LYSMD4: variants seen among roughly 807,000 people sequenced by gnomAD.
LYSMD4 encodes lysM and putative peptidoglycan-binding domain-containing protein 4.
In LYSMD4, 9 loss-of-function variants were observed where a neutral mutation model predicts 6.1. The observed-to-expected ratio is 1.47, with a 90% confidence interval of 0.88 to 2.56. LYSMD4 has a LOEUF of 2.56. Ranked by LOEUF, LYSMD4 falls within the 30% of genes most tolerant of loss-of-function variation. The pLI is 0.00. For synonymous variants in LYSMD4, 143 were observed against 148.5 expected, an observed-to-expected ratio of 0.96 and a Z score of 0.27; for missense variants, 384 against 373.5, an observed-to-expected ratio of 1.03 and a Z score of -0.23.
At chr15:99,720,266 T>C (rs1476727977), upstream of LYSMD4, among the ~76,000 whole-genome samples, 1 of 152,268 alleles carries the variant, frequency 6.6e-6, no homozygotes, top group Non-Finnish European at 1.5e-5. Context: ...CTTTTACTTT[T>C]AGATTGCTGA....
chr15:99,722,061 A>G (rs1574464), upstream of LYSMD4, among the ~76,000 whole-genome samples: 22,079 of 152,156 alleles, frequency 0.15, 1,644 homozygotes, highest in East Asian at 0.2. Flanking sequence ...TGGCCTGTAC[A>G]TGCATGTGAG....
downstream of LYSMD4, among the ~76,000 whole-genome samples, chr15:99,722,826 G>C (rs1424627242): frequency 2.6e-5 from 4 of 152,276 alleles, no homozygotes; most frequent in East Asian, 7.7e-4. Flanking sequence ...CTTGAGGTCA[G>C]TTTGAGACCA....
At chr15:99,726,164 TTTTTC>T (rs1391303736), downstream of LYSMD4, among the ~76,000 whole-genome samples, 2 of 143,262 alleles carry the variant, frequency 1.4e-5, no homozygotes, top group South Asian at 2.4e-4. Flanking sequence ...TTTTTTTTTT[TTTTTC>T]CCGCCTGAGT....
At chr15:99,726,672 A>T (rs2059285730), downstream of LYSMD4, among the ~76,000 whole-genome samples, 1 of 152,134 alleles carries the variant, frequency 6.6e-6, no homozygotes, top group Admixed American at 6.5e-5. Context: ...GAGTAAAATT[A>T]AAGCATCATT....
downstream of LYSMD4, chr15:99,727,401 T>C (rs932433549): frequency 2.0e-5 from 3 of 151,992 alleles, no homozygotes; most frequent in Non-Finnish European, 4.4e-5. Context: ...AAAGGGGGAA[T>C]CAATTTTCCT....
upstream of LYSMD4, among the ~76,000 whole-genome samples, chr15:99,718,529 A>G (rs1195246271): frequency 6.6e-6 from 1 of 152,210 alleles, no homozygotes; most frequent in Non-Finnish European, 1.5e-5. Context: ...TTCTGCTGCG[A>G]GGAACAGCTG....
upstream of LYSMD4, among the ~76,000 whole-genome samples, chr15:99,719,274 G>C (rs549938930): frequency 6.6e-6 from 1 of 152,312 alleles, no homozygotes; most frequent in South Asian, 2.1e-4. Context: ...AACATGGTTA[G>C]CTTCATCTGT....
At chr15:99,733,205 C>G (rs1282763851) in intron 1 of LYSMD4, 140 bp downstream of exon 1, 1 of 373,944 alleles carries the variant, frequency 2.7e-6, no homozygotes, top group African/African-American at 2.1e-5. Flanking sequence ...GTCACCGCCC[C>G]TCCAGCTGGA....
At chr15:99,724,935 A>G (rs1221038018), downstream of LYSMD4, among the ~76,000 whole-genome samples, 10 of 152,276 alleles carry the variant, frequency 6.6e-5, no homozygotes, top group Non-Finnish European at 1.3e-4. Flanking sequence ...GTGCAGGAGC[A>G]AGGAGGCTGC....
rs1567554041 is a variant in LYSMD4 at position 99,729,670 on chromosome 15, G to C, written c.344C>G (p.Ser115Cys). ...ATGGTTTCTCACTGGAATCTTAACA[G>C]ATTTCAAAGCATATAAGTCTTGTTC... ...IREQDLYALK[S>C]VKIPVRNHGI... The change falls in exon 3 of 3, where the codon TCT (serine) becomes TGT (cysteine). Residue 115 changes from serine (S) to cysteine (C), a missense_variant. Physicochemically the swap from Ser to Cys is moderately radical, Grantham distance 112. Coordinates refer to ENST00000684762, the MANE Select transcript of LYSMD4 (RefSeq NM_001284417.2). 1 of 1,614,034 alleles carries C rather than the reference G, an allele frequency of 6.2e-7. No individual in the cohort carries two copies. The highest frequency in any genetic ancestry group is 8.5e-7 in the Non-Finnish European group (1 of 1,180,046).
chr15:99,716,582 T>G, exon 1 of LYSMD4: 1 of 456,768 alleles, frequency 2.2e-6, no homozygotes, highest in African/African-American at 2.0e-5. Flanking sequence ...TTTTCATTCC[T>G]TTCACGAAGA....
At chr15:99,718,774 C>T (rs1567544373), upstream of LYSMD4, among the ~76,000 whole-genome samples, 2 of 152,182 alleles carry the variant, frequency 1.3e-5, no homozygotes, top group Non-Finnish European at 2.9e-5. Context: ...ACTTTTTCCA[C>T]TATTCCTGGT....
chr15:99,729,629 TCTC>T lies in LYSMD4; in HGVS notation c.382_384del (p.Glu128del). 1 of 1,614,106 alleles carries T rather than the reference TCTC, an allele frequency of 6.2e-7. No homozygotes were observed. Among genetic ancestry groups the T allele is most frequent in the Non-Finnish European group, 8.5e-7 (1 of 1,180,018 alleles). On this transcript the variant is annotated inframe_deletion, in exon 3 of 3. Transcript: ENST00000684762. ...AGAAGGGGTTTCAGTTCTTTGTGGG[TCTC>T]CATCAGGATCCCATGGTTTCTCACT... is the stretch of plus-strand genomic sequence containing the variant.
At chr15:99,717,899 C>G (rs1364309819), upstream of LYSMD4, 1 of 152,210 alleles carries the variant, frequency 6.6e-6, no homozygotes, top group Admixed American at 6.5e-5. Context: ...AGTGTATACA[C>G]TTCATTTTGA....
chr15:99,733,378 G>GGCCACTC lies in LYSMD4; in HGVS notation c.-43_-42insGAGTGGC, dbSNP rs1449428670. On this transcript the variant is annotated 5_prime_UTR_variant, in exon 1 of 3. Coordinates refer to ENST00000684762, the MANE Select transcript of LYSMD4 (RefSeq NM_001284417.2). ...CCAGGCTCCGCCGCGACCGGCGACC[G>GGCCACTC]GCGACTCGCGACCCGCGACCCGCGA... 45 of 395,320 alleles carry GGCCACTC rather than the reference G, an allele frequency of 1.1e-4. No individual in the cohort carries two copies. Among genetic ancestry groups the GGCCACTC allele is most frequent in the African/African-American group, 8.0e-4 (39 of 48,494 alleles). 24.5% of individuals were successfully genotyped at this position (395,320 alleles called of 1,614,324 possible). A position where few individuals can be genotyped will look rare whatever the true frequency, so the allele number is the denominator to read the frequency against.
downstream of LYSMD4, among the ~76,000 whole-genome samples, chr15:99,726,132 C>T (rs1189158413): frequency 2.7e-5 from 4 of 146,638 alleles, no homozygotes; most frequent in African/African-American, 7.6e-5. Context: ...CCCAGGCTTC[C>T]GCTGTCTCAA....
chr15:99,731,349 C>T (rs2059405110), intron 2 of LYSMD4: 1 of 1,611,142 alleles, frequency 6.2e-7, no homozygotes, highest in Non-Finnish European at 8.5e-7. Flanking sequence ...GCGAGAAAAG[C>T]AAGCATACCA....
Position 99,733,333 on chromosome 15 carries a change from A to G in LYSMD4, c.-9+12T>C, listed in dbSNP as rs2141151053. On this transcript the variant is annotated intron_variant, in intron 1 of 2. Transcript: ENST00000684762. ...TAGCCAGACCGCGGCCCCCTCGTCC[A>G]GGCCCCGGTACCTCAGCGCCCAGGC... 2.5e-6 allele frequency: 1 copy of G among 392,792 alleles called. No homozygotes were observed. The highest frequency in any genetic ancestry group is 2.1e-5 in the African/African-American group (1 of 48,372). The allele number at this position is 392,792 out of a possible 1,614,324, so 24.3% of individuals were successfully genotyped here. A position where few individuals can be genotyped will look rare whatever the true frequency, so the allele number is the denominator to read the frequency against.
Position 99,731,519 on chromosome 15 carries a change from T to G in LYSMD4, c.282+199A>C. 1.9e-6 allele frequency: 3 copies of G among 1,567,052 alleles called. No homozygotes were observed. The African/African-American group carries it at 4.1e-5, about 22-fold the overall frequency. On this transcript the variant is annotated intron_variant, in intron 2 of 2. Coordinates refer to ENST00000684762, the MANE Select transcript of LYSMD4 (RefSeq NM_001284417.2). ...AAAGAAATGCGCTAACCCTCCCTCTTTGGGGGCCAGGGTTGGGAACTAAAG... is the reference window on the plus strand; with the variant it reads ...AAAGAAATGCGCTAACCCTCCCTCTGTGGGGGCCAGGGTTGGGAACTAAAG...
Sources: allele counts gnomAD v4.1 joint callset (sites outside exome capture counted in the v4.1 genomes callset), GRCh38; gene constraint gnomAD v4.1.1; transcripts MANE v1.5; gene names NCBI Gene and HGNC (gene_info 2026-07-23, HGNC 2026-07-21).